Variants in ATP2B4 observed in about 807,000 individuals in gnomAD.
The protein encoded by ATP2B4 is plasma membrane calcium-transporting ATPase 4.
ATP2B4 carries 39 observed loss-of-function variants against 110.3 expected under a neutral mutation model. The observed-to-expected ratio is 0.35, with a 90% CI of 0.27 to 0.46. The LOEUF is 0.46. Ranked by LOEUF, ATP2B4 falls within the 20% of genes least tolerant of loss-of-function variation. The probability of loss-of-function intolerance (pLI) is 1.00; values close to 1 mark genes in which losing one functional copy is unlikely to be tolerated. For synonymous variants in ATP2B4, 538 were observed against 571.7 expected, an observed-to-expected ratio of 0.94 and a Z score of 0.84; for missense variants, 1,135 against 1,530.9, an observed-to-expected ratio of 0.74 and a Z score of 4.32.
chr1:203,700,104 T>C (rs947675326), intron 4 of ATP2B4, 102 bp from the exon 5 acceptor site: 2 of 1,399,472 alleles, frequency 1.4e-6, no homozygotes, highest in Non-Finnish European at 1.9e-6. Context: ...ATAGGGCCCA[T>C]GGGAACAGCC....
Position 203,711,007 on chromosome 1 carries a change from G to A in ATP2B4, c.1930G>A (p.Asp644Asn). ...CCGGACTATCTGCATAGCTTACCGG[G>A]ACTTCGATGACACAGAGCCCTCTTG... ...GLRTICIAYR[D>N]FDDTEPSWDN... is the part of the protein sequence containing the mutation. Residue 644 changes from aspartate (D) to asparagine (N), a missense_variant, in exon 12 of 21, where the codon GAC becomes AAC. By Grantham distance (23) the Asp-to-Asn change is conservative. Transcript: ENST00000357681. 1.9e-6 allele frequency: 3 copies of A among 1,614,106 alleles called. No individual in the cohort carries two copies. The highest frequency in any genetic ancestry group is 2.2e-5 in the South Asian group (2 of 91,074).
chr1:203,718,344 G>A (rs1666219719), intron 15 of ATP2B4, among the ~76,000 whole-genome samples: 1 of 151,712 alleles, frequency 6.6e-6, no homozygotes, highest in South Asian at 2.1e-4. Flanking sequence ...TGTCGCCCAG[G>A]CTGGAGTGCA....
At chr1:203,721,127 G>C in intron 16 of ATP2B4, 70 bp from the exon 17 acceptor site, 2 of 1,524,986 alleles carry the variant, frequency 1.3e-6, no homozygotes, top group East Asian at 2.3e-5. Flanking sequence ...GTGGGAGCTG[G>C]GCCATCGACA....
In ATP2B4 at chr1:203,742,599, A is replaced by G. The variant is rs1387213537; in HGVS notation, c.*2745A>G. The stretch of plus-strand genomic sequence containing the variant: ...GTAGTAAACTGTGGATAGTCAGGAA[A>G]ACACCCAGCAAGGGACACAGCTGTC... On this transcript the variant is annotated 3_prime_UTR_variant, in exon 21 of 21. Transcript: ENST00000357681. The G allele has an allele frequency of 6.6e-6, 1 of 152,648 alleles. No homozygotes were observed. Among genetic ancestry groups the G allele is most frequent in the African/African-American group, 2.4e-5 (1 of 41,442 alleles). 9.5% of individuals were successfully genotyped at this position (152,648 alleles called of 1,614,324 possible).
intron 15 of ATP2B4, among the ~76,000 whole-genome samples, chr1:203,719,764 T>A (rs1212511920): frequency 1.4e-5 from 2 of 140,642 alleles, no homozygotes; most frequent in Admixed American, 6.9e-5. Flanking sequence ...ATGTAATATA[T>A]TCATGGCCTG....
intron 1 of ATP2B4, among the ~76,000 whole-genome samples, chr1:203,631,855 C>T (rs1369699417): frequency 2.6e-5 from 4 of 151,752 alleles, no homozygotes; most frequent in Non-Finnish European, 4.4e-5. Flanking sequence ...AGTGCAGCGG[C>T]GCGATCTCAG....
At chr1:203,706,216 T>C (rs1168667225) in intron 8 of ATP2B4, among the ~76,000 whole-genome samples, 1 of 152,168 alleles carries the variant, frequency 6.6e-6, no homozygotes, top group Non-Finnish European at 1.5e-5. Flanking sequence ...CCCAGTTTGC[T>C]TGGGATTTTC....
At chr1:203,701,632 C>T (rs992706139) in intron 6 of ATP2B4, among the ~76,000 whole-genome samples, 1 of 152,202 alleles carries the variant, frequency 6.6e-6, no homozygotes, top group African/African-American at 2.4e-5. Context: ...TTCATTTCTG[C>T]AGCTGCCTGC....
intron 1 of ATP2B4, among the ~76,000 whole-genome samples, chr1:203,649,265 G>A (rs1558014974): frequency 6.6e-6 from 1 of 152,128 alleles, no homozygotes; most frequent in Non-Finnish European, 1.5e-5. Flanking sequence ...TGTTCAAAGT[G>A]GGTGAAAAAT....
At chr1:203,683,658 TTTTG>T (rs1240366680) in intron 2 of ATP2B4, among the ~76,000 whole-genome samples, 1 of 142,896 alleles carries the variant, frequency 7.0e-6, no homozygotes, top group South Asian at 2.2e-4. Context: ...TTTCTTCTTC[TTTTG>T]TTTCTTTTTT....
At chr1:203,729,701 C>A in intron 20 of ATP2B4, 1 of 1,337,988 alleles carries the variant, frequency 7.5e-7, no homozygotes, top group South Asian at 1.2e-5. Context: ...CCTGGGGACA[C>A]AGGTGCTTCC....
intron 5 of ATP2B4, 96 bp from the exon 6 acceptor site, chr1:203,700,702 G>A (rs1665665044): frequency 5.3e-6 from 8 of 1,501,854 alleles, no homozygotes; most frequent in Non-Finnish European, 7.3e-6. Context: ...CATGGGGTAG[G>A]GAGGAGTATT....
At chr1:203,661,844 T>C (rs1172381813) in intron 1 of ATP2B4, among the ~76,000 whole-genome samples, 1 of 152,082 alleles carries the variant, frequency 6.6e-6, no homozygotes, top group East Asian at 1.9e-4. Flanking sequence ...ATTACCACAA[T>C]GGATCTGAAC....
At chr1:203,717,626 T>TTTTATTTATTTATGTA (rs1666197525) in intron 15 of ATP2B4, among the ~76,000 whole-genome samples, 1 of 144,150 alleles carries the variant, frequency 6.9e-6, no homozygotes, top group African/African-American at 2.6e-5. Context: ...ATGGTATTTA[T>TTTTATTTATTTATGTA]TTTATTTATT....
chr1:203,675,587 T>G (rs1049300167), intron 1 of ATP2B4, among the ~76,000 whole-genome samples: 7 of 152,164 alleles, frequency 4.6e-5, no homozygotes, highest in Non-Finnish European at 8.8e-5. Flanking sequence ...GAATTCTGGA[T>G]TCCTGAGACC....
intron 20 of ATP2B4, chr1:203,729,855 T>C (rs2102230146): frequency 8.4e-7 from 1 of 1,195,712 alleles, no homozygotes; most frequent in Non-Finnish European, 1.1e-6. Flanking sequence ...TCCCCTCTGC[T>C]GTGAGGCTGG....
In ATP2B4 at chr1:203,722,610, A is replaced by G. The variant is rs1666371505; in HGVS notation, c.2945A>G (p.His982Arg). ...AATGAAATCAACTCCCGAAAGATCCATGGAGAGAAGAACGTCTTTTCAGGC... is the reference window on the plus strand; with the variant it reads ...AATGAAATCAACTCCCGAAAGATCCGTGGAGAGAAGAACGTCTTTTCAGGC... The part of the protein sequence containing the change: ...LFNEINSRKI[H>R]GEKNVFSGIY... The change falls in exon 18 of 21, where the codon CAT (histidine) becomes CGT (arginine). Residue 982 changes from histidine to arginine, a missense_variant. Transcript: ENST00000357681. The G allele has an allele frequency of 1.2e-6, 2 of 1,614,078 alleles. No homozygotes were observed. Among genetic ancestry groups the G allele is most frequent in the African/African-American group, 1.3e-5 (1 of 74,926 alleles).
intron 1 of ATP2B4, among the ~76,000 whole-genome samples, chr1:203,671,636 G>A (rs917468838): frequency 3.9e-5 from 6 of 152,152 alleles, no homozygotes; most frequent in African/African-American, 1.2e-4. Flanking sequence ...TCTGGTGCCC[G>A]AGACATATGT....
At chr1:203,684,794 A>C (rs969270291) in intron 2 of ATP2B4, among the ~76,000 whole-genome samples, 1 of 152,058 alleles carries the variant, frequency 6.6e-6, no homozygotes. Context: ...TTTTTTTTCA[A>C]CTCTGCTGGA....
Sources: gnomAD v4.1 joint callset for allele counts (sites outside exome capture counted in the v4.1 genomes callset) on GRCh38, gnomAD v4.1.1 for gene constraint, MANE v1.5 for transcripts, NCBI Gene and HGNC (gene_info 2026-07-23, HGNC 2026-07-21) for gene names.